Variants in ART3 observed in about 807,000 individuals in gnomAD.
ART3 encodes ecto-ADP-ribosyltransferase 3.
A neutral mutation model predicts 48.5 loss-of-function variants in ART3; 49 were observed. The ratio of observed to expected loss-of-function variants is 1.01; its 90% CI spans 0.80 to 1.28. The LOEUF is 1.28. ART3 is among the 50% of genes most tolerant of loss of function. The pLI is 0.00. For missense variants in ART3, 438 were observed against 454.3 expected, an observed-to-expected ratio of 0.96 and a Z score of 0.33; for synonymous variants, 145 against 157.2, an observed-to-expected ratio of 0.92 and a Z score of 0.58.
At chr4:76,060,194 A>G (rs1432457545) in intron 1 of ART3, among the ~76,000 whole-genome samples, 1 of 152,180 alleles carries the variant, frequency 6.6e-6, no homozygotes, top group Non-Finnish European at 1.5e-5. Context: ...TTCTTAACCT[A>G]CTGATGTCAG....
intron 1 of ART3, among the ~76,000 whole-genome samples, chr4:76,054,865 T>A (rs1216690668): frequency 6.6e-6 from 1 of 152,260 alleles, no homozygotes; most frequent in African/African-American, 2.4e-5. Flanking sequence ...GGCTATGTTT[T>A]CTAAAATTTT....
At chr4:76,103,347 G>T (rs60169811) in intron 8 of ART3, among the ~76,000 whole-genome samples, 6,515 of 151,992 alleles carry the variant, frequency 0.043, 422 homozygotes, top group African/African-American at 0.14. Flanking sequence ...GAGCGACTCA[G>T]CGAGACCCTG....
At chr4:76,104,566 G>C (rs989263446) in intron 9 of ART3, 31 bp from the exon 10 acceptor site, 1 of 1,551,532 alleles carries the variant, frequency 6.4e-7, no homozygotes, top group South Asian at 1.2e-5. Flanking sequence ...GGAGCAAACT[G>C]TAAGTCATTG....
At chr4:76,013,011 C>T (rs1478634241) in intron 1 of ART3, among the ~76,000 whole-genome samples, 1 of 152,122 alleles carries the variant, frequency 6.6e-6, no homozygotes, top group Non-Finnish European at 1.5e-5. Flanking sequence ...CATATGTGAA[C>T]AATGATTTCC....
Position 76,021,659 on chromosome 4 carries a change from A to G in ART3, c.-10+10339A>G, listed in dbSNP as rs569014097. Reference sequence around the variant, plus strand: ...AGGGAAATATTTGAAGCAGGGTCAGAACATCCACTAAGAACATAGCACCTC... The same window carrying G: ...AGGGAAATATTTGAAGCAGGGTCAGGACATCCACTAAGAACATAGCACCTC... On this transcript the variant is annotated intron_variant, in intron 1 of 9. Transcript: ENST00000341029. 14 of 413,734 alleles carry G rather than the reference A, an allele frequency of 3.4e-5. No homozygotes were observed. The East Asian group carries it at 4.8e-4, about 14-fold the overall frequency. 25.6% of individuals were successfully genotyped at this position (413,734 alleles called of 1,614,324 possible).
At chr4:76,025,113 G>A (rs1026437619) in intron 1 of ART3, among the ~76,000 whole-genome samples, 89 of 152,136 alleles carry the variant, frequency 5.9e-4, no homozygotes, top group African/African-American at 2.0e-3. Context: ...GGGAGGTGAG[G>A]TAGAGACTGA....
At chr4:76,084,172 C>G (rs1723073299) in intron 3 of ART3, among the ~76,000 whole-genome samples, 1 of 152,166 alleles carries the variant, frequency 6.6e-6, no homozygotes, top group South Asian at 2.1e-4. Context: ...ATGATAAGCT[C>G]TTTAGGCCTG....
chr4:76,108,237 A>T lies in ART3; in HGVS notation c.1036+444A>T, dbSNP rs933644137. Among the ~76,000 whole-genome samples the T allele has an allele frequency of 6.6e-5, 10 of 152,272 alleles. 1 individual carries two copies. Among genetic ancestry groups the T allele is most frequent in the Admixed American group, 6.5e-4 (10 of 15,288 alleles). On this transcript the variant is annotated intron_variant, in intron 11 of 11. Transcript: ENST00000355810. ...TCAACATCATGTCTAAAGTAGACCG[A>T]TGTTTACATTTATGCAAATAAATTT...
At chr4:76,053,968 T>C (rs1736379050) in intron 1 of ART3, among the ~76,000 whole-genome samples, 1 of 152,238 alleles carries the variant, frequency 6.6e-6, no homozygotes, top group African/African-American at 2.4e-5. Flanking sequence ...TAGACGTTCA[T>C]GTTAATTTTT....
At chr4:76,049,855 G>C (rs183695446) in intron 1 of ART3, among the ~76,000 whole-genome samples, 2 of 151,940 alleles carry the variant, frequency 1.3e-5, no homozygotes, top group Non-Finnish European at 2.9e-5. Flanking sequence ...GGACCCTCAC[G>C]GTGAGTGTTA....
intron 3 of ART3, among the ~76,000 whole-genome samples, chr4:76,085,250 A>C (rs1356067510): frequency 6.6e-6 from 1 of 152,224 alleles, no homozygotes; most frequent in Non-Finnish European, 1.5e-5. Flanking sequence ...TAAAGTGTGC[A>C]GTAGGCCTCA....
chr4:76,077,061 T>G (rs1259381602), intron 2 of ART3, among the ~76,000 whole-genome samples: 1 of 152,202 alleles, frequency 6.6e-6, no homozygotes, highest in Non-Finnish European at 1.5e-5. Flanking sequence ...TCACCATTTT[T>G]AGCTGTATAC....
At chr4:76,095,183 G>A (rs1246092874) in intron 3 of ART3, among the ~76,000 whole-genome samples, 1 of 152,222 alleles carries the variant, frequency 6.6e-6, no homozygotes, top group East Asian at 1.9e-4. Context: ...ATAGGGAGGA[G>A]AAATGCAATC....
At chr4:76,060,839 G>A (rs1390577552) in intron 1 of ART3, among the ~76,000 whole-genome samples, 1 of 152,224 alleles carries the variant, frequency 6.6e-6, no homozygotes, top group African/African-American at 2.4e-5. Context: ...TCTGTGAATA[G>A]CCCTCAGCTG....
intron 3 of ART3, among the ~76,000 whole-genome samples, chr4:76,088,298 G>A (rs1578504626): frequency 6.6e-6 from 1 of 151,058 alleles, no homozygotes; most frequent in East Asian, 1.9e-4. Flanking sequence ...TGGCATTTTG[G>A]TCAATGTTTC....
At chr4:76,019,156 A>G (rs999256328) in intron 1 of ART3, among the ~76,000 whole-genome samples, 1 of 152,070 alleles carries the variant, frequency 6.6e-6, no homozygotes, top group Non-Finnish European at 1.5e-5. Flanking sequence ...CCAAAAGATG[A>G]AAAATATCAA....
At chr4:76,065,988 A>G (rs1719698478) in intron 1 of ART3, among the ~76,000 whole-genome samples, 1 of 152,222 alleles carries the variant, frequency 6.6e-6, no homozygotes, top group South Asian at 2.1e-4. Context: ...AAGAAATAGC[A>G]CATAGGAAGC....
At chr4:76,080,670 T>G (rs1392629387) in intron 2 of ART3, among the ~76,000 whole-genome samples, 1 of 151,708 alleles carries the variant, frequency 6.6e-6, no homozygotes, top group Non-Finnish European at 1.5e-5. Context: ...GCCACTACGC[T>G]CAGCTAATTT....
At chr4:76,063,340 A>G (rs538436152) in intron 1 of ART3, among the ~76,000 whole-genome samples, 1 of 152,300 alleles carries the variant, frequency 6.6e-6, no homozygotes, top group East Asian at 1.9e-4. Flanking sequence ...ATAAGCATAT[A>G]CTAGATTCAA....
Sources: gnomAD v4.1 joint callset for allele counts (sites outside exome capture counted in the v4.1 genomes callset) on GRCh38, gnomAD v4.1.1 for gene constraint, MANE v1.5 for transcripts, NCBI Gene and HGNC (gene_info 2026-07-23, HGNC 2026-07-21) for gene names.